Variants in KIAA1958 observed in about 807,000 individuals in gnomAD.
KIAA1958 encodes KIAA1958.
KIAA1958 carries 14 observed loss-of-function variants against 47.2 expected under a neutral mutation model. That is an observed-to-expected ratio of 0.30 (90% confidence interval 0.20 to 0.46). KIAA1958 has a LOEUF of 0.46. Ranked by LOEUF, KIAA1958 falls within the 20% of genes least tolerant of loss-of-function variation. KIAA1958 has a pLI of 1.00. For synonymous variants in KIAA1958, 354 were observed against 353.3 expected (o/e 1.00, Z -0.02); for missense variants, 803 against 909.2 (o/e 0.88, Z 1.50).
chr9:112,567,897 G>C (rs1011604590), intron 1 of KIAA1958, among the ~76,000 whole-genome samples: 1 of 138,478 alleles, frequency 7.2e-6, no homozygotes, highest in African/African-American at 2.7e-5. Flanking sequence ...GGCGGAGGTT[G>C]CAGTGAGCAG....
chr9:112,584,289 T>C (rs537848645), intron 2 of KIAA1958, among the ~76,000 whole-genome samples: 2 of 152,346 alleles, frequency 1.3e-5, no homozygotes, highest in African/African-American at 2.4e-5. Context: ...AGGGTTGATA[T>C]ATATATAGAT....
intron 1 of KIAA1958, among the ~76,000 whole-genome samples, chr9:112,572,449 T>A (rs1299435470): frequency 6.6e-6 from 1 of 152,104 alleles, no homozygotes; most frequent in Non-Finnish European, 1.5e-5. Flanking sequence ...GATGAGTGAA[T>A]AATTAAGTCA....
chr9:112,624,528 T>A (rs181391850), intron 2 of KIAA1958, among the ~76,000 whole-genome samples: 22 of 152,316 alleles, frequency 1.4e-4, no homozygotes, highest in Admixed American at 1.4e-3. Flanking sequence ...TCTAGTGATA[T>A]AACAACAGAA....
At chr9:112,537,520 T>G (rs1834876699) in intron 1 of KIAA1958, among the ~76,000 whole-genome samples, 1 of 152,234 alleles carries the variant, frequency 6.6e-6, no homozygotes, top group South Asian at 2.1e-4. Context: ...TCTCAAAAGA[T>G]ATCTAATTGA....
chr9:112,615,831 C>T (rs887320031), intron 2 of KIAA1958, among the ~76,000 whole-genome samples: 29 of 152,194 alleles, frequency 1.9e-4, no homozygotes, highest in Non-Finnish European at 3.7e-4. Context: ...TCAATACACC[C>T]CAGAGTATGT....
At chr9:112,530,721 A>G (rs528108867) in intron 1 of KIAA1958, among the ~76,000 whole-genome samples, 1 of 152,338 alleles carries the variant, frequency 6.6e-6, no homozygotes, top group African/African-American at 2.4e-5. Context: ...TTTCAGAGAC[A>G]TTTATGGTTG....
At chr9:112,572,938 G>A (rs1311960173) in intron 1 of KIAA1958, among the ~76,000 whole-genome samples, 1 of 152,146 alleles carries the variant, frequency 6.6e-6, no homozygotes, top group Non-Finnish European at 1.5e-5. Context: ...TTAGACCATG[G>A]TGCCTGACTG....
chr9:112,664,511 G>A lies in KIAA1958; in HGVS notation c.*4442G>A, dbSNP rs1340585234. The stretch of plus-strand genomic sequence containing the variant: ...TCATTTTCTCTACATGATCTCCAAT[G>A]TAGTCTCAGATAAGGCCCATACATA... On this transcript the variant is annotated 3_prime_UTR_variant, in exon 4 of 4. Transcript: ENST00000337530. 1 of 152,204 alleles carries A rather than the reference G, an allele frequency of 6.6e-6. No individual in the cohort carries two copies. The highest frequency in any genetic ancestry group is 1.5e-5 in the Non-Finnish European group (1 of 68,036). The allele number at this position is 152,204 out of a possible 1,614,324, so 9.4% of individuals were successfully genotyped here. A position where few individuals can be genotyped will look rare whatever the true frequency, so the allele number is the denominator to read the frequency against.
intron 2 of KIAA1958, among the ~76,000 whole-genome samples, chr9:112,580,290 G>GT (rs887749394): frequency 6.6e-5 from 10 of 151,942 alleles, no homozygotes; most frequent in East Asian, 1.9e-4. Context: ...TGAGCATTTA[G>GT]TTTTTTTTAT....
chr9:112,587,978 A>C (rs968992542), intron 2 of KIAA1958, among the ~76,000 whole-genome samples: 2 of 152,220 alleles, frequency 1.3e-5, no homozygotes, highest in Non-Finnish European at 2.9e-5. Context: ...TAAAATACAC[A>C]ATTAAGCAGT....
intron 2 of KIAA1958, among the ~76,000 whole-genome samples, chr9:112,576,339 T>G (rs913686599): frequency 4.6e-5 from 7 of 152,230 alleles, no homozygotes; most frequent in African/African-American, 1.7e-4. Context: ...TTTATCTTTT[T>G]TTAAATAATA....
At position 112,618,429 on chromosome 9, in the gene KIAA1958, C is replaced by T. The variant is rs187708115; in HGVS notation, c.1172-27221C>T. 1.4e-5 allele frequency: 21 copies of T among 1,551,180 alleles called. No individual in the cohort carries two copies. Among genetic ancestry groups the T allele is most frequent in the East Asian group, 4.9e-5 (2 of 40,910 alleles). On this transcript the variant is annotated intron_variant, in intron 2 of 3. Transcript: ENST00000337530. The surrounding 1 kb of genome is among the most constrained non-coding windows in gnomAD (Gnocchi z 7.1). The stretch of plus-strand genomic sequence containing the variant: ...GATATCCGGCTCCGGGTAACAGAGA[C>T]GGGTCTCGAGTACTTGGAGTGGATG...
intron 2 of KIAA1958, among the ~76,000 whole-genome samples, chr9:112,609,905 A>G (rs1036710475): frequency 6.6e-6 from 1 of 152,162 alleles, no homozygotes; most frequent in Non-Finnish European, 1.5e-5. Context: ...AAAAGTGGAG[A>G]GAATGGACAT....
intron 2 of KIAA1958, among the ~76,000 whole-genome samples, chr9:112,577,659 T>C (rs1341006416): frequency 1.3e-5 from 2 of 152,218 alleles, no homozygotes; most frequent in Non-Finnish European, 2.9e-5. Flanking sequence ...CAAAGCAAGA[T>C]GCAAGACTTT....
At chr9:112,641,507 G>A (rs908918164) in intron 2 of KIAA1958, among the ~76,000 whole-genome samples, 2 of 149,424 alleles carry the variant, frequency 1.3e-5, no homozygotes, top group African/African-American at 4.9e-5. Context: ...ATGTTTACGT[G>A]TATGTCTTCT....
intron 1 of KIAA1958, among the ~76,000 whole-genome samples, chr9:112,545,446 A>C (rs1228157807): frequency 1.3e-5 from 2 of 152,224 alleles, no homozygotes; most frequent in African/African-American, 4.8e-5. Context: ...GGAAAGGAAG[A>C]AACTGTCAAG....
chr9:112,486,847 T>C lies in KIAA1958; in HGVS notation c.-296T>C, dbSNP rs1383129658. Reference sequence around the variant, plus strand: ...CCCGCCCCCTGCCCGCCCGCCGCGCTCCGAGCCGGGCGCGCGGAGCTCGGG... The same window carrying C: ...CCCGCCCCCTGCCCGCCCGCCGCGCCCCGAGCCGGGCGCGCGGAGCTCGGG... On this transcript the variant is annotated 5_prime_UTR_variant, in exon 1 of 4. Coordinates refer to ENST00000337530, the MANE Select transcript of KIAA1958 (RefSeq NM_133465.4). 1.8e-5 allele frequency: 2 copies of C among 108,322 alleles called. No individual in the cohort carries two copies. Among genetic ancestry groups the C allele is most frequent in the Admixed American group, 9.8e-5 (1 of 10,220 alleles). 6.7% of individuals were successfully genotyped at this position (108,322 alleles called of 1,614,324 possible). A position where few individuals can be genotyped will look rare whatever the true frequency, so the allele number is the denominator to read the frequency against.
intron 3 of KIAA1958, among the ~76,000 whole-genome samples, chr9:112,658,606 C>T (rs1837196107): frequency 6.6e-6 from 1 of 152,156 alleles, no homozygotes; most frequent in Non-Finnish European, 1.5e-5. Context: ...CGGTCCTCTG[C>T]TTTAAGCATT....
intron 2 of KIAA1958, among the ~76,000 whole-genome samples, chr9:112,616,952 T>C (rs1391282757): frequency 1.3e-5 from 2 of 152,232 alleles, no homozygotes; most frequent in Non-Finnish European, 2.9e-5. Flanking sequence ...TACAGATTCC[T>C]ACACCTGCTA....
Sources: allele counts gnomAD v4.1 joint callset (sites outside exome capture counted in the v4.1 genomes callset), GRCh38; gene constraint gnomAD v4.1.1; non-coding constraint Gnocchi (gnomAD v3.1); transcripts MANE v1.5; gene names NCBI Gene and HGNC (gene_info 2026-07-23, HGNC 2026-07-21).